Variants in FSTL5 observed in about 807,000 individuals in gnomAD.
FSTL5 encodes the protein follistatin like 5.
FSTL5 carries 62 observed loss-of-function variants against 89.1 expected under a neutral mutation model. The ratio of observed to expected loss-of-function variants is 0.70; its 90% CI spans 0.57 to 0.86. The LOEUF (loss-of-function observed/expected upper bound fraction) is 0.86. Ranked by LOEUF, FSTL5 falls within the 40% of genes least tolerant of loss-of-function variation. The pLI, the probability that FSTL5 is intolerant of heterozygous loss-of-function variation, is 0.00. For missense variants in FSTL5, 1,057 were observed against 1,001.6 expected (o/e 1.06, Z -0.75); for synonymous variants, 383 against 346.2 (o/e 1.11, Z -1.18).
intron 4 of FSTL5, among the ~76,000 whole-genome samples, chr4:161,870,398 A>G (rs74500355): frequency 0.015 from 2,323 of 152,160 alleles, 56 homozygotes; most frequent in African/African-American, 0.054. Context: ...GAGAGACAGT[A>G]AAAAAAGAAA....
intron 4 of FSTL5, among the ~76,000 whole-genome samples, chr4:161,809,480 G>A (rs903836658): frequency 9.2e-5 from 14 of 152,098 alleles, no homozygotes; most frequent in Admixed American, 6.6e-4. Context: ...TTTCACTTCC[G>A]GTCATACAGT....
intron 1 of FSTL5, among the ~76,000 whole-genome samples, chr4:162,114,176 C>T (rs1731547946): frequency 6.6e-6 from 1 of 152,008 alleles, no homozygotes; most frequent in Non-Finnish European, 1.5e-5. Context: ...CATTTGCAAC[C>T]CATCCCCCTT....
intron 3 of FSTL5, among the ~76,000 whole-genome samples, chr4:161,960,344 A>T (rs946102634): frequency 3.3e-5 from 5 of 150,724 alleles, no homozygotes; most frequent in African/African-American, 4.9e-5. Context: ...TTTTTTTTTT[A>T]AATATATTTT....
intron 2 of FSTL5, among the ~76,000 whole-genome samples, chr4:162,077,327 A>G (rs1188978928): frequency 2.0e-5 from 3 of 151,830 alleles, no homozygotes; most frequent in Non-Finnish European, 4.4e-5. Context: ...CCCATTACCC[A>G]AACACCTCCT....
At chr4:161,550,203 C>A (rs1370939823) in intron 8 of FSTL5, among the ~76,000 whole-genome samples, 2 of 151,772 alleles carry the variant, frequency 1.3e-5, no homozygotes, top group African/African-American at 2.4e-5. Flanking sequence ...AAATAATAGA[C>A]CTTCAAAGCT....
intron 2 of FSTL5, among the ~76,000 whole-genome samples, chr4:162,109,113 C>T (rs914952901): frequency 1.3e-5 from 2 of 151,708 alleles, no homozygotes; most frequent in Admixed American, 6.6e-5. Context: ...ATGTATGGAC[C>T]CAGTGGGTTC....
At chr4:161,561,551 T>C (rs980032105) in intron 8 of FSTL5, among the ~76,000 whole-genome samples, 1 of 151,920 alleles carries the variant, frequency 6.6e-6, no homozygotes, top group African/African-American at 2.4e-5. Flanking sequence ...TGTAAAACTC[T>C]GAGGATATTC....
At chr4:161,672,679 A>AT in intron 6 of FSTL5, among the ~76,000 whole-genome samples, 1 of 150,630 alleles carries the variant, frequency 6.6e-6, no homozygotes, top group Non-Finnish European at 1.5e-5. Flanking sequence ...TAAACATAAA[A>AT]TTTTCTCTCG....
rs989726151 is a variant in FSTL5 at position 161,877,694 on chromosome 4, C to T, written c.409+42710G>A. Reference sequence around the variant, plus strand: ...ACAAAAAATTAGCCAGGCGTTGTGGCGGGCCCCTGTAGTCCCAGCTACTCG... The same window carrying T: ...ACAAAAAATTAGCCAGGCGTTGTGGTGGGCCCCTGTAGTCCCAGCTACTCG... On this transcript the variant is annotated intron_variant, in intron 4 of 15. Transcript: ENST00000306100. Among the ~76,000 whole-genome samples, 5 of 151,674 alleles carry T rather than the reference C, an allele frequency of 3.3e-5. No homozygotes were observed. The East Asian group carries it at 9.8e-4, about 30-fold the overall frequency.
chr4:161,983,559 G>C (rs1408434998), intron 3 of FSTL5, among the ~76,000 whole-genome samples: 1 of 152,118 alleles, frequency 6.6e-6, no homozygotes, highest in Non-Finnish European at 1.5e-5. Flanking sequence ...TCTGTGGTTT[G>C]AGATTTATAC....
In FSTL5 at chr4:161,939,478, T is replaced by C. The variant is rs186800632; in HGVS notation, c.161-18826A>G. Among the ~76,000 whole-genome samples, 3 of 152,150 alleles carry C rather than the reference T, an allele frequency of 2.0e-5. No individual in the cohort carries two copies. In the East Asian group the frequency reaches 5.8e-4, roughly 29 times the overall value. ...AAGATTTATTTCTGTTTTAAGGTTA[T>C]CTAAGCAGTGGTTTTAGTGTTTTCT... On this transcript the variant is annotated intron_variant, in intron 3 of 15. Coordinates refer to ENST00000306100, the MANE Select transcript of FSTL5 (RefSeq NM_020116.5).
chr4:161,449,352 T>C (rs2126387230), intron 15 of FSTL5, among the ~76,000 whole-genome samples: 1 of 152,228 alleles, frequency 6.6e-6, no homozygotes, highest in East Asian at 1.9e-4. Context: ...ATAAGAGCAA[T>C]TTAAAGATTG....
chr4:161,643,028 C>A (rs769871018), intron 7 of FSTL5, among the ~76,000 whole-genome samples: 6 of 152,062 alleles, frequency 3.9e-5, no homozygotes, highest in Non-Finnish European at 8.8e-5. Flanking sequence ...TGGGTATAAA[C>A]ATGTTGGTTT....
intron 4 of FSTL5, among the ~76,000 whole-genome samples, chr4:161,852,018 T>C (rs1731570314): frequency 6.6e-6 from 1 of 152,058 alleles, no homozygotes; most frequent in African/African-American, 2.4e-5. Context: ...AGTCATAGCA[T>C]TATCAGAAAA....
At chr4:161,524,968 A>G (rs1731167977) in intron 10 of FSTL5, among the ~76,000 whole-genome samples, 1 of 152,030 alleles carries the variant, frequency 6.6e-6, no homozygotes, top group African/African-American at 2.4e-5. Context: ...AAAAAAAAAA[A>G]AAAAGTTTCC....
intron 7 of FSTL5, among the ~76,000 whole-genome samples, chr4:161,642,888 A>G (rs1276247421): frequency 6.6e-6 from 1 of 152,176 alleles, no homozygotes; most frequent in Non-Finnish European, 1.5e-5. Context: ...AGATGGTTGT[A>G]TAACATTATG....
At chr4:162,049,122 T>C (rs1050612775) in intron 2 of FSTL5, among the ~76,000 whole-genome samples, 1 of 152,128 alleles carries the variant, frequency 6.6e-6, no homozygotes, top group Non-Finnish European at 1.5e-5. Flanking sequence ...TCCATGCAAG[T>C]AAAGAGATTA....
chr4:161,387,454 A>C (rs1448713598), intron 15 of FSTL5: 3 of 151,908 alleles, frequency 2.0e-5, no homozygotes, highest in Non-Finnish European at 4.4e-5. Flanking sequence ...CAAAACAAAA[A>C]CTCTAAAGAG....
chr4:162,066,366 T>TTCTTCTTCTTCTTCTTCTTCTTCTTCC (rs1312738347), intron 2 of FSTL5, among the ~76,000 whole-genome samples: 1 of 136,520 alleles, frequency 7.3e-6, no homozygotes, highest in African/African-American at 2.7e-5. Flanking sequence ...CTTCTTCTTC[T>TTCTTCTTCTTCTTCTTCTTCTTCTTCC]TCTTCTCCTT....
Sources: allele counts gnomAD v4.1 joint callset (sites outside exome capture counted in the v4.1 genomes callset), GRCh38; gene constraint gnomAD v4.1.1; transcripts MANE v1.5; gene names NCBI Gene and HGNC (gene_info 2026-07-23, HGNC 2026-07-21).